The following SGK2 variants were observed in gnomAD, a reference collection of about 807,000 sequenced individuals.
SGK2 encodes the protein serum/glucocorticoid regulated kinase 2.
SGK2 carries 36 observed loss-of-function variants against 47.5 expected under a neutral mutation model. The observed-to-expected ratio is 0.76, with a 90% CI of 0.58 to 1.00. The LOEUF is 1.00. Among genes scored for constraint, SGK2 ranks in the 50% least tolerant of loss-of-function variants. The probability of loss-of-function intolerance (pLI) is 0.00; values close to 1 mark genes in which losing one functional copy is unlikely to be tolerated. For synonymous variants in SGK2, 157 were observed against 181.9 expected (o/e 0.86, Z 1.10); for missense variants, 404 against 467.4 (o/e 0.86, Z 1.25).
chr20:43,567,095 C>T lies in SGK2; in HGVS notation c.64C>T (p.Leu22=). The change falls in exon 3 of 13, where the codon CTG becomes TTG. Residue 22 remains leucine (L), a synonymous_variant. Transcript: ENST00000373100. ...CTCCAGGGCCAATGGGAACATCAAC[C>T]TGGGGCCTTCAGCCAACCCAAAGTG... ...QPSRANGNIN[L]GPSANPNAQP... is the part of the protein sequence containing the mutation. 1 of 1,614,168 alleles carries T rather than the reference C, an allele frequency of 6.2e-7. No individual in the cohort carries two copies.
Position 43,567,650 on chromosome 20 carries a change from T to C in SGK2, c.87-15T>C, listed in dbSNP as rs1301305134. ...CATTGCAAATGCTGATCCGTGTTTT[T>C]CCCTCTTCCCCCAGTGCCCAGCCCA... On this transcript the variant is annotated splice_polypyrimidine_tract_variant and intron_variant, in intron 3 of 12. Transcript: ENST00000373100. 5.6e-6 allele frequency: 9 copies of C among 1,613,646 alleles called. No individual in the cohort carries two copies. The highest frequency in any genetic ancestry group is 6.8e-6 in the Non-Finnish European group (8 of 1,179,744).
chr20:43,585,539 G>A lies in SGK2; in HGVS notation c.*523G>A, dbSNP rs1981039826. Reference sequence around the variant, plus strand: ...GGCAGCCAGCACTCTTTTACCAGAGGGCCTCCTGGTGTTTGGATTTTGATC... The same window carrying A: ...GGCAGCCAGCACTCTTTTACCAGAGAGCCTCCTGGTGTTTGGATTTTGATC... On this transcript the variant is annotated 3_prime_UTR_variant, in exon 13 of 13. Coordinates refer to ENST00000373100, the MANE Select transcript of SGK2 (RefSeq NM_170693.3). The A allele has an allele frequency of 6.5e-6, 1 of 153,174 alleles. No individual in the cohort carries two copies. The highest frequency in any genetic ancestry group is 2.4e-5 in the African/African-American group (1 of 41,438). 9.5% of individuals were successfully genotyped at this position (153,174 alleles called of 1,614,324 possible). A position where few individuals can be genotyped will look rare whatever the true frequency, so the allele number is the denominator to read the frequency against.
intron 1 of SGK2, among the ~76,000 whole-genome samples, chr20:43,560,386 C>A (rs991835251): frequency 1.3e-5 from 2 of 151,498 alleles, no homozygotes; most frequent in African/African-American, 4.9e-5. Context: ...GTAATCCCAG[C>A]TATTTGGGAG....
intron 1 of SGK2, chr20:43,566,226 A>G (rs995261570): frequency 3.0e-6 from 3 of 995,418 alleles, no homozygotes; most frequent in Admixed American, 4.6e-5. Context: ...TCAGCCTGGG[A>G]GGGGCCACAC....
At chr20:43,563,559 A>G (rs1979515201) in intron 1 of SGK2, among the ~76,000 whole-genome samples, 2 of 152,130 alleles carry the variant, frequency 1.3e-5, no homozygotes, top group African/African-American at 4.8e-5. Flanking sequence ...AGTCCAGACA[A>G]CTCTTTCAAA....
rs1012790447 is a variant in SGK2, at chr20:43,583,663, G to A, written c.940-1189G>A. On this transcript the variant is annotated intron_variant, in intron 12 of 12. Coordinates refer to ENST00000373100, the MANE Select transcript of SGK2 (RefSeq NM_170693.3). ...TGTATAACAAGCAACTCCAAAGCTAGGTGGCTTAAAACAACAATCTTTTGG... is the reference window on the plus strand; with the variant it reads ...TGTATAACAAGCAACTCCAAAGCTAAGTGGCTTAAAACAACAATCTTTTGG... 7 of 967,076 alleles carry A rather than the reference G, an allele frequency of 7.2e-6. No individual in the cohort carries two copies. The East Asian group carries it at 3.4e-4, about 47-fold the overall frequency. The allele number at this position is 967,076 out of a possible 1,614,324, so 59.9% of individuals were successfully genotyped here. A position where few individuals can be genotyped will look rare whatever the true frequency, so the allele number is the denominator to read the frequency against.
intron 11 of SGK2, among the ~76,000 whole-genome samples, chr20:43,578,832 T>C (rs1466123190): frequency 6.6e-6 from 1 of 152,154 alleles, no homozygotes; most frequent in Non-Finnish European, 1.5e-5. Context: ...ATGTCTCCTG[T>C]TCCAAGCAAA....
rs188953201 is a variant in SGK2, at chr20:43,576,513, C to T, written c.849+134C>T. ...CTGCTCACTTGTTCATTTGGAAATT[C>T]ACTACTGCTACTAGCTGACTACTTT... is the stretch of plus-strand genomic sequence containing the variant. On this transcript the variant is annotated intron_variant, in intron 11 of 12. Transcript: ENST00000373100. 5 of 699,030 alleles carry T rather than the reference C, an allele frequency of 7.2e-6. No individual in the cohort carries two copies. The African/African-American group carries it at 9.0e-5, about 13-fold the overall frequency. 43.3% of individuals were successfully genotyped at this position (699,030 alleles called of 1,614,324 possible). A position where few individuals can be genotyped will look rare whatever the true frequency, so the allele number is the denominator to read the frequency against.
chr20:43,569,743 C>T (rs1455409604), intron 6 of SGK2: 1 of 521,920 alleles, frequency 1.9e-6, no homozygotes, highest in African/African-American at 1.9e-5. Context: ...AGACTCCCCA[C>T]CATAATGCTT....
At chr20:43,577,891 C>T (rs539128237) in intron 11 of SGK2, among the ~76,000 whole-genome samples, 2 of 151,882 alleles carry the variant, frequency 1.3e-5, no homozygotes, top group East Asian at 3.9e-4. Flanking sequence ...GTGATCTGCC[C>T]GCCTCAGCCT....
At chr20:43,569,641 A>G (rs540968471) in intron 6 of SGK2, 125 bp downstream of exon 6, 1 of 1,153,332 alleles carries the variant, frequency 8.7e-7, no homozygotes, top group African/African-American at 1.5e-5. Context: ...CCCATTTTGT[A>G]GCTAAAGAAA....
intron 1 of SGK2, chr20:43,565,282 C>T (rs1349794236): frequency 6.6e-6 from 1 of 152,344 alleles, no homozygotes; most frequent in Non-Finnish European, 1.5e-5. Flanking sequence ...TCCTCAGACT[C>T]GCAGGTATGT....
At chr20:43,567,207 T>C in intron 3 of SGK2, 90 bp downstream of exon 3, 2 of 1,117,454 alleles carry the variant, frequency 1.8e-6, no homozygotes, top group Non-Finnish European at 2.7e-6. Context: ...GATTCTCTGG[T>C]CTAGCATTCA....
chr20:43,582,513 G>A (rs186297914), intron 12 of SGK2, among the ~76,000 whole-genome samples: 1 of 148,602 alleles, frequency 6.7e-6, no homozygotes, highest in Non-Finnish European at 1.5e-5. Flanking sequence ...TCAGCCTCCC[G>A]AGTGGCTGGG....
intron 11 of SGK2, among the ~76,000 whole-genome samples, chr20:43,578,596 G>A (rs2145555747): frequency 6.6e-6 from 1 of 152,244 alleles, no homozygotes; most frequent in Admixed American, 6.5e-5. Context: ...TAATTTCTGT[G>A]AGCCGCAGTT....
chr20:43,570,900 C>T, intron 7 of SGK2, 124 bp from the exon 8 acceptor site: 1 of 1,493,200 alleles, frequency 6.7e-7, no homozygotes, highest in Non-Finnish European at 9.2e-7. Flanking sequence ...CTGGGCTCTC[C>T]TTCTGCATCT....
At chr20:43,574,258 T>A (rs1055165570) in intron 9 of SGK2, among the ~76,000 whole-genome samples, 2 of 152,170 alleles carry the variant, frequency 1.3e-5, no homozygotes, top group African/African-American at 4.8e-5. Context: ...AAGCCTCTTT[T>A]TTTTGTTCCC....
chr20:43,567,577 A>G (rs1979811511), intron 3 of SGK2, 88 bp from the exon 4 acceptor site: 4 of 1,230,302 alleles, frequency 3.3e-6, no homozygotes, highest in Non-Finnish European at 4.8e-6. Flanking sequence ...TCCCCATTCT[A>G]AAGTTAAAAA....
At position 43,570,682 on chromosome 20, in the gene SGK2, GGT is replaced by G. The variant is rs1980044916; in HGVS notation, c.428_429del (p.Val143GlyfsTer45). ...EPRARFYAAEVASAIGYLHSL... is the reference protein window; with the variant it reads ...EPRARFYAAEXASAIGYLHSL... ...CCCGGGCCAGGTTCTACGCTGCTGAGGTGGCCAGCGCCATTGGCTACCTGCAC... is the reference window on the plus strand; with the variant it reads ...CCCGGGCCAGGTTCTACGCTGCTGAGGGCCAGCGCCATTGGCTACCTGCAC... On this transcript the variant is annotated frameshift_variant, in exon 7 of 13. Transcript: ENST00000373100. LOFTEE classifies it high-confidence loss of function. The G allele has an allele frequency of 6.2e-7, 1 of 1,613,608 alleles. No homozygotes were observed. Among genetic ancestry groups the G allele is most frequent in the Admixed American group, 1.7e-5 (1 of 59,998 alleles).
Sources: allele counts gnomAD v4.1 joint callset (sites outside exome capture counted in the v4.1 genomes callset), GRCh38; gene constraint gnomAD v4.1.1; transcripts MANE v1.5; gene names NCBI Gene and HGNC (gene_info 2026-07-23, HGNC 2026-07-21).